Variants in FMN1 observed in about 807,000 individuals in gnomAD.
The protein encoded by FMN1 is formin 1.
In FMN1, 110 loss-of-function variants were observed where a neutral mutation model predicts 132.4. The observed-to-expected ratio is 0.83, with a 90% CI of 0.71 to 0.97. The LOEUF (loss-of-function observed/expected upper bound fraction) is 0.97, where lower values mean the gene tolerates loss of function less well. Among genes scored for constraint, FMN1 ranks in the 50% least tolerant of loss-of-function variants. The pLI, the probability that FMN1 is intolerant of heterozygous loss-of-function variation, is 0.00. For synonymous variants in FMN1, 722 were observed against 651.7 expected (o/e 1.11, Z -1.64); for missense variants, 1,792 against 1,705.3 (o/e 1.05, Z -0.90).
intron 4 of FMN1, among the ~76,000 whole-genome samples, chr15:33,121,119 C>T (rs779478900): frequency 6.2e-5 from 8 of 129,930 alleles, no homozygotes; most frequent in Non-Finnish European, 5.4e-5. Context: ...CAAGAGTATA[C>T]AATACCCCAT....
chr15:33,067,818 G>A lies in FMN1; in HGVS notation c.2044-2744C>T, dbSNP rs1231994250. On this transcript the variant is annotated intron_variant, in intron 5 of 20. Transcript: ENST00000616417. ...CTCAGGATCGACTGAGCCACTTCAAGTCCGGCTTCTGGTTTTGCTGGTTCT... is the reference window on the plus strand; with the variant it reads ...CTCAGGATCGACTGAGCCACTTCAAATCCGGCTTCTGGTTTTGCTGGTTCT... 7.4e-6 allele frequency: 12 copies of A among 1,613,978 alleles called. No individual in the cohort carries two copies. The South Asian group carries it at 1.2e-4, about 16-fold the overall frequency.
At chr15:32,854,993 T>C (rs569781994) in intron 17 of FMN1, among the ~76,000 whole-genome samples, 1 of 151,314 alleles carries the variant, frequency 6.6e-6, no homozygotes, top group Non-Finnish European at 1.5e-5. Context: ...AGATATTCCT[T>C]GGGACAGAGT....
chr15:33,154,425 C>T lies in FMN1; in HGVS notation c.490G>A (p.Gly164Arg). The change falls in exon 4 of 21, where the codon GGA becomes AGA. Residue 164 changes from glycine to arginine, a missense_variant. Gly to Arg is a moderately radical substitution (Grantham distance 125). This residue lies in a region of FMN1 where 638 missense variants were observed against 645.2 expected (regional missense o/e 0.99). Transcript: ENST00000616417. ...HGNKKPRRSS[G>R]RRESFGALPQ... is the part of the protein sequence containing the mutation. ...AGGGCCCCAAAGCTCTCTCTCCTTC[C>T]ACTAGACCTCCGAGGCTTTTTGTTC... The T allele has an allele frequency of 4.6e-6, 7 of 1,536,150 alleles. No homozygotes were observed. The highest frequency in any genetic ancestry group is 6.1e-6 in the Non-Finnish European group (7 of 1,146,932).
intron 4 of FMN1, among the ~76,000 whole-genome samples, chr15:33,132,349 C>T (rs944212223): frequency 1.3e-5 from 2 of 152,218 alleles, no homozygotes; most frequent in African/African-American, 4.8e-5. Flanking sequence ...TGTAGTCTAT[C>T]ACTTTCAAGA....
intron 17 of FMN1, among the ~76,000 whole-genome samples, chr15:32,822,610 T>C (rs931082312): frequency 7.2e-5 from 11 of 152,190 alleles, no homozygotes; most frequent in African/African-American, 2.4e-4. Context: ...TTATAAAGAA[T>C]TAAGGGTGCA....
intron 9 of FMN1, among the ~76,000 whole-genome samples, chr15:32,940,765 A>T (rs1418249132): frequency 6.6e-6 from 1 of 152,132 alleles, no homozygotes; most frequent in African/African-American, 2.4e-5. Flanking sequence ...TGAACCCCAA[A>T]AGACACTGTA....
intron 10 of FMN1, among the ~76,000 whole-genome samples, chr15:32,920,001 C>G (rs1168906555): frequency 6.6e-6 from 1 of 152,142 alleles, no homozygotes; most frequent in Non-Finnish European, 1.5e-5. Context: ...AACTGACGTT[C>G]TGAACTAGTA....
At chr15:33,028,605 T>A (rs1194183465) in intron 6 of FMN1, among the ~76,000 whole-genome samples, 2 of 152,176 alleles carry the variant, frequency 1.3e-5, no homozygotes, top group Non-Finnish European at 2.9e-5. Flanking sequence ...CTGGCAAAAC[T>A]CAAGATAATC....
At chr15:33,126,966 ACT>A (rs1449529494) in intron 4 of FMN1, among the ~76,000 whole-genome samples, 2 of 152,286 alleles carry the variant, frequency 1.3e-5, no homozygotes, top group East Asian at 1.9e-4. Context: ...TGGTTGGCTG[ACT>A]CTGTGGAGAG....
intron 6 of FMN1, among the ~76,000 whole-genome samples, chr15:33,046,367 A>C (rs538880120): frequency 2.0e-5 from 3 of 152,338 alleles, no homozygotes; most frequent in African/African-American, 7.2e-5. Flanking sequence ...AATTAGTCTC[A>C]TCTAGGGATG....
intron 4 of FMN1, among the ~76,000 whole-genome samples, chr15:33,099,111 T>C (rs984926991): frequency 4.0e-5 from 6 of 151,808 alleles, no homozygotes; most frequent in African/African-American, 1.2e-4. Flanking sequence ...CAAAACTCCA[T>C]CTACAAAAAA....
chr15:33,154,512 T>C lies in FMN1; in HGVS notation c.403A>G (p.Ser135Gly), dbSNP rs752208675. 1 of 1,536,056 alleles carries C rather than the reference T, an allele frequency of 6.5e-7. No individual in the cohort carries two copies. Among genetic ancestry groups the C allele is most frequent in the South Asian group, 1.2e-5 (1 of 84,054 alleles). The change falls in exon 4 of 21, where the codon AGT becomes GGT. Residue 135 changes from serine (S) to glycine (G), a missense_variant. This residue lies in a region of FMN1 where 638 missense variants were observed against 645.2 expected (regional missense o/e 0.99). Coordinates refer to ENST00000616417, the MANE Select transcript of FMN1 (RefSeq NM_001277313.2). Reference protein sequence around the residue: ...SLAPEDDCFQSAGDWQGELPV... With the variant: ...SLAPEDDCFQGAGDWQGELPV... Reference sequence around the variant, plus strand: ...AGCTCTCCCTGCCAGTCACCAGCACTCTGGAAACAGTCATCCTCGGGGGCC... The same window carrying C: ...AGCTCTCCCTGCCAGTCACCAGCACCCTGGAAACAGTCATCCTCGGGGGCC...
intron 10 of FMN1, among the ~76,000 whole-genome samples, chr15:32,917,079 C>T (rs11639137): frequency 0.01 from 1,545 of 152,144 alleles, 13 homozygotes; most frequent in Non-Finnish European, 0.017. Flanking sequence ...CACAGTTTTC[C>T]CTCCCAACAA....
At chr15:32,806,547 T>C (rs2141017906) in intron 17 of FMN1, among the ~76,000 whole-genome samples, 1 of 152,338 alleles carries the variant, frequency 6.6e-6, no homozygotes, top group South Asian at 2.1e-4. Flanking sequence ...TGGCTTGTCT[T>C]GCCATCAGCC....
At chr15:32,846,809 C>G (rs569882643) in intron 17 of FMN1, among the ~76,000 whole-genome samples, 1 of 152,290 alleles carries the variant, frequency 6.6e-6, no homozygotes, top group Non-Finnish European at 1.5e-5. Context: ...GGAACCAACC[C>G]AAATGCCCAT....
At chr15:32,921,217 A>G (rs1211651749) in intron 10 of FMN1, among the ~76,000 whole-genome samples, 3 of 152,166 alleles carry the variant, frequency 2.0e-5, no homozygotes, top group Non-Finnish European at 4.4e-5. Context: ...CCTAAAGAAA[A>G]ACACCTAGCT....
At chr15:33,003,775 A>C (rs900706425) in intron 7 of FMN1, among the ~76,000 whole-genome samples, 2 of 152,130 alleles carry the variant, frequency 1.3e-5, no homozygotes, top group African/African-American at 2.4e-5. Flanking sequence ...GAGGCATCAC[A>C]CTACCTGACT....
chr15:32,964,215 A>G lies in FMN1; in HGVS notation c.3030T>C (p.Pro1010=), dbSNP rs778906651. ...TPTLWDSLEE[P]DIRDPSEFEY... is the part of the protein sequence containing the mutation. Reference sequence around the variant, plus strand: ...CAAATTCACTGGGGTCCCGAATGTCAGGTTCTTCTAAGGAGTCCCATAAGG... The same window carrying G: ...CAAATTCACTGGGGTCCCGAATGTCGGGTTCTTCTAAGGAGTCCCATAAGG... Residue 1010 remains proline (P), a synonymous_variant, in exon 9 of 21, where the codon CCT becomes CCC. Transcript: ENST00000616417. The G allele has an allele frequency of 3.7e-6, 6 of 1,612,524 alleles. No homozygotes were observed. Among genetic ancestry groups the G allele is most frequent in the Non-Finnish European group, 4.2e-6 (5 of 1,178,978 alleles).
At chr15:33,075,192 C>T (rs1017949982) in intron 5 of FMN1, among the ~76,000 whole-genome samples, 10 of 152,158 alleles carry the variant, frequency 6.6e-5, no homozygotes, top group Admixed American at 4.6e-4. Flanking sequence ...TGAATTGTTA[C>T]GCGGCATACA....
Sources: gnomAD v4.1 joint callset for allele counts (sites outside exome capture counted in the v4.1 genomes callset) on GRCh38, gnomAD v4.1.1 for gene constraint, gnomAD v4.1.1 regional missense constraint, MANE v1.5 for transcripts, NCBI Gene and HGNC (gene_info 2026-07-23, HGNC 2026-07-21) for gene names.